Variants in COL28A1 observed in about 807,000 individuals in gnomAD.
COL28A1 encodes collagen alpha-1(XXVIII) chain.
COL28A1 carries 161 observed loss-of-function variants against 150.2 expected under a neutral mutation model. That is an observed-to-expected ratio of 1.07 (90% CI 0.94 to 1.22). The LOEUF (loss-of-function observed/expected upper bound fraction) is 1.22. Among genes scored for constraint, COL28A1 ranks in the 50% most tolerant of loss-of-function variants. COL28A1 has a pLI of 0.00. For synonymous variants in COL28A1, 552 were observed against 469.7 expected, an observed-to-expected ratio of 1.18 and a Z score of -2.26; for missense variants, 1,617 against 1,388.3, an observed-to-expected ratio of 1.16 and a Z score of -2.62.
intron 1 of COL28A1, among the ~76,000 whole-genome samples, chr7:7,535,245 G>A (rs1406801843): frequency 2.0e-5 from 3 of 151,892 alleles, no homozygotes. Flanking sequence ...AATTTATTTG[G>A]GGTAAATATC....
At chr7:7,451,056 G>T (rs1042343599) in intron 18 of COL28A1, among the ~76,000 whole-genome samples, 1 of 151,990 alleles carries the variant, frequency 6.6e-6, no homozygotes, top group Non-Finnish European at 1.5e-5. Context: ...AGGAGAGAAG[G>T]GAGGGCAGTG....
intron 15 of COL28A1, among the ~76,000 whole-genome samples, chr7:7,470,956 T>G (rs934028397): frequency 3.2e-5 from 3 of 92,628 alleles, no homozygotes; most frequent in African/African-American, 1.4e-4. Context: ...CTCTGGGGAC[T>G]GTGGTGGGGT....
chr7:7,474,687 G>C lies in COL28A1; in HGVS notation c.1234-18C>G. The stretch of plus-strand genomic sequence containing the variant: ...TTTTCACCCTGAAAGTACAAGGGAG[G>C]GATATCAATGCACCAACCAAAATCT... On this transcript the variant is annotated intron_variant, in intron 14 of 34. Transcript: ENST00000399429. 9.2e-7 allele frequency: 1 copy of C among 1,091,316 alleles called. No homozygotes were observed. Among genetic ancestry groups the C allele is most frequent in the Non-Finnish European group, 1.4e-6 (1 of 703,110 alleles). 67.6% of individuals were successfully genotyped at this position (1,091,316 alleles called of 1,614,324 possible).
At chr7:7,372,059 C>T (rs2128283611) in intron 32 of COL28A1, among the ~76,000 whole-genome samples, 1 of 152,164 alleles carries the variant, frequency 6.6e-6, no homozygotes, top group South Asian at 2.1e-4. Flanking sequence ...TCTCTAACTC[C>T]TGACCTCGTG....
intron 3 of COL28A1, among the ~76,000 whole-genome samples, chr7:7,531,044 G>A (rs1782320804): frequency 6.6e-6 from 1 of 152,136 alleles, no homozygotes; most frequent in South Asian, 2.1e-4. Context: ...GTTCATGATT[G>A]TAGGCTGTAT....
chr7:7,379,113 GC>G (rs997413422), intron 30 of COL28A1, among the ~76,000 whole-genome samples: 3 of 152,126 alleles, frequency 2.0e-5, no homozygotes, highest in African/African-American at 7.2e-5. Flanking sequence ...ATGCCCTTTG[GC>G]CCCAAGGACT....
chr7:7,519,441 TC>T (rs1456726093), intron 6 of COL28A1, among the ~76,000 whole-genome samples: 3 of 152,240 alleles, frequency 2.0e-5, no homozygotes, highest in African/African-American at 7.2e-5. Flanking sequence ...ATTATTTTTT[TC>T]ATTACACAGA....
chr7:7,520,098 T>A lies in COL28A1; in HGVS notation c.777A>T (p.Pro259=). Residue 259 remains proline (P), a synonymous_variant, in exon 6 of 35, where the codon CCA becomes CCT. Transcript: ENST00000399429. ...DPGPPGTHGN[P]GIKGERGPKG... is the part of the protein sequence containing the mutation. ...TTGGTCCTCGCTCACCTTTGATACCTGGATTTCCATGTGTACCCTGAAGGC... is the reference window on the plus strand; with the variant it reads ...TTGGTCCTCGCTCACCTTTGATACCAGGATTTCCATGTGTACCCTGAAGGC... 1 of 1,391,116 alleles carries A rather than the reference T, an allele frequency of 7.2e-7. No individual in the cohort carries two copies. Among genetic ancestry groups the A allele is most frequent in the Non-Finnish European group, 1.0e-6 (1 of 977,662 alleles). The allele number at this position is 1,391,116 out of a possible 1,614,324, so 86.2% of individuals were successfully genotyped here.
downstream of COL28A1, chr7:7,357,661 G>GTAA (rs144579450): frequency 1.8e-4 from 26 of 145,464 alleles, no homozygotes; most frequent in Admixed American, 1.6e-3. Flanking sequence ...TCTGTCTGGG[G>GTAA]GAAAAAAAAA....
intron 12 of COL28A1, 148 bp from the exon 13 acceptor site, chr7:7,489,605 G>C: frequency 1.6e-6 from 1 of 617,036 alleles, no homozygotes; most frequent in East Asian, 2.8e-5. Flanking sequence ...TAGAGGAAGA[G>C]AAATAGCTCG....
At chr7:7,443,490 C>T in intron 20 of COL28A1, 95 bp downstream of exon 20, 1 of 1,554,418 alleles carries the variant, frequency 6.4e-7, no homozygotes, top group Non-Finnish European at 8.7e-7. Context: ...AACACATTGA[C>T]ATAGTAAGAA....
chr7:7,383,288 G>GTGTT (rs1554262225), intron 27 of COL28A1, among the ~76,000 whole-genome samples: 17 of 94,626 alleles, frequency 1.8e-4, no homozygotes, highest in South Asian at 6.3e-4. Context: ...GTGTGTGTGT[G>GTGTT]TTTTTTTTGA....
chr7:7,343,249 T>C, the COL28A1 span, among the ~76,000 whole-genome samples: 1 of 152,038 alleles, frequency 6.6e-6, no homozygotes, highest in Non-Finnish European at 1.5e-5. Flanking sequence ...TGATATCTTT[T>C]ATCAGTTCTG....
chr7:7,382,269 C>T (rs1311795363), intron 27 of COL28A1, among the ~76,000 whole-genome samples: 1 of 151,230 alleles, frequency 6.6e-6, no homozygotes, highest in Non-Finnish European at 1.5e-5. Context: ...GAGATTGCAC[C>T]ACTGCACTCC....
intron 32 of COL28A1, among the ~76,000 whole-genome samples, chr7:7,372,281 C>T (rs1347476659): frequency 6.6e-6 from 1 of 151,690 alleles, no homozygotes; most frequent in Non-Finnish European, 1.5e-5. Flanking sequence ...TGCCTGTAGT[C>T]CCAGCTACTT....
chr7:7,456,725 C>G (rs1583418688), intron 15 of COL28A1, among the ~76,000 whole-genome samples: 2 of 152,134 alleles, frequency 1.3e-5, no homozygotes, highest in Admixed American at 1.3e-4. Flanking sequence ...AGAAAGTGTT[C>G]CAAACACTAG....
chr7:7,389,754 T>C (rs996994634), intron 27 of COL28A1, among the ~76,000 whole-genome samples: 1 of 152,152 alleles, frequency 6.6e-6, no homozygotes, highest in Non-Finnish European at 1.5e-5. Flanking sequence ...ATTCTCTTTG[T>C]AGCAATTGTG....
the COL28A1 span, among the ~76,000 whole-genome samples, chr7:7,542,435 TG>T: frequency 1.3e-5 from 2 of 152,220 alleles, no homozygotes; most frequent in African/African-American, 4.8e-5. Flanking sequence ...TTGTGAAATC[TG>T]GGTGGCAGGT....
chr7:7,522,737 C>A (rs1479265077), intron 4 of COL28A1, among the ~76,000 whole-genome samples: 1 of 139,740 alleles, frequency 7.2e-6, no homozygotes, highest in Non-Finnish European at 1.5e-5. Flanking sequence ...TTCCCTGGGC[C>A]ACATTGGAAG....
Sources: gnomAD v4.1 joint callset for allele counts (sites outside exome capture counted in the v4.1 genomes callset) on GRCh38, gnomAD v4.1.1 for gene constraint, MANE v1.5 for transcripts, NCBI Gene and HGNC (gene_info 2026-07-23, HGNC 2026-07-21) for gene names.